The following CSMD2 variants were observed in gnomAD, a reference collection of about 807,000 sequenced individuals.
The protein encoded by CSMD2 is CUB and Sushi multiple domains 2.
CSMD2 carries 130 observed loss-of-function variants against 398.5 expected under a neutral mutation model. The observed-to-expected ratio is 0.33, with a 90% CI of 0.28 to 0.38. CSMD2 has a LOEUF of 0.38. CSMD2 is among the 10% of genes least tolerant of loss of function. The pLI, the probability that CSMD2 is intolerant of heterozygous loss-of-function variation, is 1.00. For synonymous variants in CSMD2, 1,828 were observed against 1,908.5 expected (o/e 0.96, Z 1.10); for missense variants, 3,829 against 4,764.9 (o/e 0.80, Z 5.78).
chr1:34,018,702 T>C (rs1648472421), intron 3 of CSMD2, among the ~76,000 whole-genome samples: 1 of 152,254 alleles, frequency 6.6e-6, no homozygotes, highest in South Asian at 2.1e-4. Flanking sequence ...TGTGAACTCC[T>C]TGATACCTTT....
At chr1:33,582,489 C>G (rs891153567) in intron 47 of CSMD2, among the ~76,000 whole-genome samples, 5 of 152,176 alleles carry the variant, frequency 3.3e-5, no homozygotes, top group Non-Finnish European at 7.3e-5. Context: ...TTTCATTTCC[C>G]AAGAGGCTGG....
At chr1:33,613,208 T>G (rs1219567634) in intron 40 of CSMD2, among the ~76,000 whole-genome samples, 1 of 152,194 alleles carries the variant, frequency 6.6e-6, no homozygotes, top group East Asian at 1.9e-4. Flanking sequence ...GCTTCTTCCC[T>G]GAAACCTGAA....
intron 2 of CSMD2, among the ~76,000 whole-genome samples, chr1:34,068,314 G>T (rs61771416): frequency 0.056 from 8,451 of 152,128 alleles, 371 homozygotes; most frequent in East Asian, 0.14. Flanking sequence ...GGGTAGCAAG[G>T]GATATACTTA....
At position 33,563,271 on chromosome 1, in the gene CSMD2, T is replaced by C. The variant is rs1395534873; in HGVS notation, c.8381-3798A>G. Among the ~76,000 whole-genome samples, 5 of 152,024 alleles carry C rather than the reference T, an allele frequency of 3.3e-5. 1 individual carries two copies. Among genetic ancestry groups the C allele is most frequent in the African/African-American group, 1.2e-4 (5 of 41,324 alleles). The stretch of plus-strand genomic sequence containing the variant: ...AGCTGAGGGAAACAGAAAGGGAAGG[T>C]CCATGGTAACATAGGAGAGGATTAA... On this transcript the variant is annotated intron_variant, in intron 53 of 70. Transcript: ENST00000373381.
intron 9 of CSMD2, among the ~76,000 whole-genome samples, chr1:33,816,820 TG>T (rs1348518926): frequency 6.6e-6 from 1 of 152,232 alleles, no homozygotes; most frequent in Non-Finnish European, 1.5e-5. Context: ...TTCATTCAGG[TG>T]GTCCTCAAAC....
intron 60 of CSMD2, among the ~76,000 whole-genome samples, chr1:33,539,968 A>G (rs984759332): frequency 6.6e-6 from 1 of 152,156 alleles, no homozygotes; most frequent in Non-Finnish European, 1.5e-5. Flanking sequence ...TGTTTGCCCA[A>G]AGCACGGGCA....
chr1:33,636,909 G>T lies in CSMD2; in HGVS notation c.4775-355C>A, dbSNP rs1013989098. ...GGCTGGTGGGGGCTGACAGTCCCTG[G>T]ACCACATCTCAGCTGCCGGCAGGGT... On this transcript the variant is annotated intron_variant, in intron 29 of 70. Transcript: ENST00000373381. The surrounding 1 kb of genome is among the most constrained non-coding windows in gnomAD (Gnocchi z 4.8). Among the ~76,000 whole-genome samples the T allele has an allele frequency of 6.6e-6, 1 of 152,106 alleles. No homozygotes were observed. The highest frequency in any genetic ancestry group is 2.4e-5 in the African/African-American group (1 of 41,404).
chr1:33,860,658 A>G (rs1271088374), intron 5 of CSMD2: 1 of 152,094 alleles, frequency 6.6e-6, no homozygotes, highest in Non-Finnish European at 1.5e-5. Context: ...TACTTTTTAG[A>G]GATATGGTTG....
At chr1:33,898,971 G>A (rs1413039390) in intron 5 of CSMD2, among the ~76,000 whole-genome samples, 1 of 152,172 alleles carries the variant, frequency 6.6e-6, no homozygotes, top group Non-Finnish European at 1.5e-5. Context: ...GACTCTTCCT[G>A]GTCGGTGCAA....
At chr1:33,547,457 C>G (rs1290960959) in intron 56 of CSMD2, among the ~76,000 whole-genome samples, 1 of 152,230 alleles carries the variant, frequency 6.6e-6, no homozygotes, top group Non-Finnish European at 1.5e-5. Context: ...GTGTGGGCAT[C>G]AAATGGTAAC....
At chr1:33,976,855 C>T (rs1645984444) in intron 3 of CSMD2, among the ~76,000 whole-genome samples, 3 of 152,090 alleles carry the variant, frequency 2.0e-5, no homozygotes, top group Admixed American at 2.0e-4. Flanking sequence ...TAGTTCTTGG[C>T]ATATGAAAGC....
intron 7 of CSMD2, among the ~76,000 whole-genome samples, chr1:33,823,235 G>A (rs950218210): frequency 6.6e-6 from 1 of 152,256 alleles, no homozygotes; most frequent in Admixed American, 6.5e-5. Context: ...CAACGGTGAC[G>A]CGGCTTATAC....
intron 24 of CSMD2, 132 bp downstream of exon 24, chr1:33,698,621 T>G: frequency 1.3e-6 from 1 of 752,306 alleles, no homozygotes; most frequent in Non-Finnish European, 2.1e-6. Flanking sequence ...TGATGCCTGT[T>G]AACAAGAGGA....
At chr1:34,128,591 C>T (rs1467686261) in intron 1 of CSMD2, among the ~76,000 whole-genome samples, 1 of 152,200 alleles carries the variant, frequency 6.6e-6, no homozygotes, top group Admixed American at 6.5e-5. Flanking sequence ...GCACCAGGCC[C>T]CCGCCTCCCT....
chr1:33,875,333 T>C (rs1191106349), intron 5 of CSMD2: 1 of 152,222 alleles, frequency 6.6e-6, no homozygotes, highest in Non-Finnish European at 1.5e-5. Context: ...GTATGCTCCT[T>C]AGCTCTGTCC....
chr1:33,853,553 A>C (rs1638860136), intron 5 of CSMD2, among the ~76,000 whole-genome samples: 2 of 152,208 alleles, frequency 1.3e-5, no homozygotes, highest in South Asian at 4.2e-4. Context: ...TACAATAACA[A>C]GTATGACTGG....
rs552367610 is a variant in CSMD2, at chr1:33,598,456, T to C, written c.6856+2409A>G. ...TCTGAGCTGGGACTGAATGGCTGTC[T>C]TAATCCATTCAGGCTGCTGTAACAA... On this transcript the variant is annotated intron_variant, in intron 44 of 70. Transcript: ENST00000373381. Among the ~76,000 whole-genome samples the C allele has an allele frequency of 3.9e-5, 6 of 152,260 alleles. No homozygotes were observed. In the East Asian group the frequency reaches 1.2e-3, roughly 29 times the overall value.
chr1:33,592,675 C>A (rs572969803), intron 44 of CSMD2, among the ~76,000 whole-genome samples: 1 of 152,092 alleles, frequency 6.6e-6, no homozygotes, highest in Non-Finnish European at 1.5e-5. Context: ...GACGGCCGGG[C>A]GCGGTGGCTC....
chr1:33,594,414 G>T (rs948543634), intron 44 of CSMD2, among the ~76,000 whole-genome samples: 8 of 152,022 alleles, frequency 5.3e-5, no homozygotes, highest in African/African-American at 1.9e-4. Context: ...TCTGATTTTG[G>T]TTCATTTAAG....
Sources: gnomAD v4.1 joint callset for allele counts (sites outside exome capture counted in the v4.1 genomes callset) on GRCh38, gnomAD v4.1.1 for gene constraint, Gnocchi (gnomAD v3.1) non-coding constraint, MANE v1.5 for transcripts, NCBI Gene and HGNC (gene_info 2026-07-23, HGNC 2026-07-21) for gene names.